AZI2: variants seen among roughly 807,000 people sequenced by gnomAD.
AZI2 encodes 5-azacytidine-induced protein 2.
AZI2 carries 22 observed loss-of-function variants against 45.8 expected under a neutral mutation model. The observed-to-expected ratio is 0.48, with a 90% confidence interval of 0.34 to 0.69. AZI2 has a LOEUF of 0.69. Among genes scored for constraint, AZI2 ranks in the 30% least tolerant of loss-of-function variants. The probability of loss-of-function intolerance (pLI) is 0.01; values close to 1 mark genes in which losing one functional copy is unlikely to be tolerated. For synonymous variants in AZI2, 137 were observed against 156.7 expected (o/e 0.87, Z 0.94); for missense variants, 417 against 441.5 (o/e 0.94, Z 0.50).
In AZI2 at chr3:28,323,112, AAATAG is replaced by A. The variant is rs991879672; in HGVS notation, c.*925_*929del. On this transcript the variant is annotated 3_prime_UTR_variant, in exon 8 of 8. Transcript: ENST00000479665. ...AATAATTTTAAATCACTTTCTCAAT[AAATAG>A]AATATTACATTTCAACACAAAGTCT... 6.6e-6 allele frequency: 1 copy of A among 151,190 alleles called. No individual in the cohort carries two copies. The highest frequency in any genetic ancestry group is 2.4e-5 in the African/African-American group (1 of 41,318). 9.4% of individuals were successfully genotyped at this position (151,190 alleles called of 1,614,324 possible). A position where few individuals can be genotyped will look rare whatever the true frequency, so the allele number is the denominator to read the frequency against.
chr3:28,338,182 T>C, intron 3 of AZI2, 146 bp from the exon 4 acceptor site: 5 of 515,620 alleles, frequency 9.7e-6, no homozygotes, highest in Non-Finnish European at 1.6e-5. Context: ...GAAATGTCTT[T>C]TTTTCTTTTC....
At chr3:28,331,875 C>A in intron 6 of AZI2, 1 of 1,547,482 alleles carries the variant, frequency 6.5e-7, no homozygotes, top group Non-Finnish European at 8.7e-7. Flanking sequence ...TATTCTTATG[C>A]GAAGAGGGAA....
intron 6 of AZI2, chr3:28,331,693 G>T: frequency 7.5e-7 from 1 of 1,326,188 alleles, no homozygotes; most frequent in South Asian, 2.1e-5. Context: ...AATGAAGTCA[G>T]ATCAGTATTT....
chr3:28,346,739 C>A (rs1173676750), intron 1 of AZI2, among the ~76,000 whole-genome samples: 1 of 152,124 alleles, frequency 6.6e-6, no homozygotes, highest in Non-Finnish European at 1.5e-5. Flanking sequence ...CGAAGACGAA[C>A]AGACCAATGC....
intron 5 of AZI2, among the ~76,000 whole-genome samples, chr3:28,335,730 A>C (rs1703763881): frequency 6.6e-6 from 1 of 152,036 alleles, no homozygotes; most frequent in South Asian, 2.1e-4. Flanking sequence ...AGAACACTTG[A>C]GATTCAGGGC....
At chr3:28,328,150 T>G (rs886594106) in intron 6 of AZI2, among the ~76,000 whole-genome samples, 1 of 151,008 alleles carries the variant, frequency 6.6e-6, no homozygotes, top group Non-Finnish European at 1.5e-5. Flanking sequence ...TGTTAAGTTG[T>G]AGTATATTAG....
In AZI2 at chr3:28,321,804, C is replaced by A. The variant is rs780305380; in HGVS notation, c.*2238G>T. 1 of 151,314 alleles carries A rather than the reference C, an allele frequency of 6.6e-6. No individual in the cohort carries two copies. The highest frequency in any genetic ancestry group is 1.5e-5 in the Non-Finnish European group (1 of 67,498). The allele number at this position is 151,314 out of a possible 1,614,324, so 9.4% of individuals were successfully genotyped here. A position where few individuals can be genotyped will look rare whatever the true frequency, so the allele number is the denominator to read the frequency against. ...TTTGGCAGCAACTCAGTAAGTCTTACAGATGTAAATTTTACTTTAGCTAAT... is the reference window on the plus strand; with the variant it reads ...TTTGGCAGCAACTCAGTAAGTCTTAAAGATGTAAATTTTACTTTAGCTAAT... On this transcript the variant is annotated 3_prime_UTR_variant, in exon 8 of 8. Coordinates refer to ENST00000479665, the MANE Select transcript of AZI2 (RefSeq NM_022461.5).
intron 6 of AZI2, among the ~76,000 whole-genome samples, chr3:28,329,189 T>C (rs1703490785): frequency 6.6e-6 from 1 of 151,186 alleles, no homozygotes; most frequent in African/African-American, 2.4e-5. Flanking sequence ...TGAGCACTTA[T>C]TATATACTAG....
At chr3:28,339,143 A>G (rs1156432846) in intron 2 of AZI2, among the ~76,000 whole-genome samples, 1 of 151,924 alleles carries the variant, frequency 6.6e-6, no homozygotes, top group Non-Finnish European at 1.5e-5. Flanking sequence ...ACGCCCTGCT[A>G]ATTTTTGTAT....
At chr3:28,336,954 G>A in intron 4 of AZI2, 69 bp from the exon 5 acceptor site, 2 of 1,475,266 alleles carry the variant, frequency 1.4e-6, no homozygotes, top group Admixed American at 1.9e-5. Flanking sequence ...TTAAAAATAG[G>A]TTATTCTGGT....
At chr3:28,334,599 G>C (rs916118785) in intron 5 of AZI2, among the ~76,000 whole-genome samples, 2 of 151,760 alleles carry the variant, frequency 1.3e-5, no homozygotes, top group African/African-American at 4.8e-5. Context: ...ACTGTTTAAA[G>C]TTTCCTGTCT....
chr3:28,336,930 A>G (rs780064804), intron 4 of AZI2, 45 bp from the exon 5 acceptor site: 1 of 1,576,212 alleles, frequency 6.3e-7, no homozygotes, highest in Non-Finnish European at 8.7e-7. Context: ...TTCCTTCTAC[A>G]TTGACTGCAA....
rs1401959303 is a variant in AZI2 at position 28,321,364 on chromosome 3, C to T, written c.*2678G>A. On this transcript the variant is annotated 3_prime_UTR_variant, in exon 8 of 8. Transcript: ENST00000479665. ...AGCTTTGATTAAAATCAGAAGTAGC[C>T]CACTTCATGTAGAAAATTCACTTAT... 2 of 151,356 alleles carry T rather than the reference C, an allele frequency of 1.3e-5. No individual in the cohort carries two copies. Among genetic ancestry groups the T allele is most frequent in the Non-Finnish European group, 3.0e-5 (2 of 67,548 alleles). 9.4% of individuals were successfully genotyped at this position (151,356 alleles called of 1,614,324 possible).
chr3:28,324,246 G>A lies in AZI2; in HGVS notation c.975C>T (p.Ser325=). 6.2e-7 allele frequency: 1 copy of A among 1,610,116 alleles called. No homozygotes were observed. Among genetic ancestry groups the A allele is most frequent in the Non-Finnish European group, 8.5e-7 (1 of 1,177,376 alleles). ...GAAAGCATGTACCATCATTAGGAAT[G>A]GATCTCTCATTGTCTGTCCATGATT... ...ILQSWTDNER[S]IPNDGTCFQE... is the part of the protein sequence containing the mutation. The change falls in exon 8 of 8, where the codon TCC becomes TCT. Residue 325 remains serine, a synonymous_variant. Transcript: ENST00000479665.
At position 28,322,609 on chromosome 3, in the gene AZI2, T is replaced by C. The variant is rs935579578; in HGVS notation, c.*1433A>G. 2 of 151,652 alleles carry C rather than the reference T, an allele frequency of 1.3e-5. No homozygotes were observed. Among genetic ancestry groups the C allele is most frequent in the Non-Finnish European group, 3.0e-5 (2 of 67,424 alleles). 9.4% of individuals were successfully genotyped at this position (151,652 alleles called of 1,614,324 possible). A position where few individuals can be genotyped will look rare whatever the true frequency, so the allele number is the denominator to read the frequency against. ...CTTCCTTCAGCTAAAGCCTGGAGTATTGTATTTCTTTTATGCATATTGGGT... is the reference window on the plus strand; with the variant it reads ...CTTCCTTCAGCTAAAGCCTGGAGTACTGTATTTCTTTTATGCATATTGGGT... On this transcript the variant is annotated 3_prime_UTR_variant, in exon 8 of 8. Coordinates refer to ENST00000479665, the MANE Select transcript of AZI2 (RefSeq NM_022461.5).
At position 28,340,607 on chromosome 3, in the gene AZI2, A is replaced by T; in HGVS notation, c.11T>A (p.Leu4Gln). 1.2e-6 allele frequency: 2 copies of T among 1,608,038 alleles called. No homozygotes were observed. Among genetic ancestry groups the T allele is most frequent in the South Asian group, 2.2e-5 (2 of 89,218 alleles). The change falls in exon 2 of 8, where the codon CTG becomes CAG. Residue 4 changes from leucine (L) to glutamine (Q), a missense_variant. By Grantham distance (113) the Leu-to-Gln change is moderately radical. Transcript: ENST00000479665. MDALVEDDICILNH... is the reference protein window; with the variant it reads MDAQVEDDICILNH... ...CAGAATACAGATATCATCTTCTACC[A>T]GTGCATCCATGACAACTGTTTAAAA... is the stretch of plus-strand genomic sequence containing the variant.
intron 1 of AZI2, among the ~76,000 whole-genome samples, chr3:28,344,894 C>G (rs1299320744): frequency 6.6e-6 from 1 of 152,084 alleles, no homozygotes; most frequent in Non-Finnish European, 1.5e-5. Context: ...ACTTTCAAAA[C>G]TTAACAAACA....
chr3:28,338,664 T>TA (rs1219945572), intron 2 of AZI2, 49 bp from the exon 3 acceptor site: 2 of 1,529,878 alleles, frequency 1.3e-6, no homozygotes, highest in East Asian at 2.3e-5. Context: ...ATTCTATAGA[T>TA]AAAAAATAAG....
rs1182867107 is a variant in AZI2 at position 28,326,948 on chromosome 3, T to G, written c.650A>C (p.Asp217Ala). The G allele has an allele frequency of 1.9e-6, 3 of 1,596,006 alleles. No homozygotes were observed. In the East Asian group the frequency reaches 6.7e-5, roughly 36 times the overall value. The change falls in exon 7 of 8, where the codon GAT (aspartate) becomes GCT (alanine). Residue 217 changes from aspartate to alanine, a missense_variant and splice_region_variant. Transcript: ENST00000479665. ...TTCCCAGTATGCATGCTGCATATTA[T>G]CACTGAAATAAATTTTTTTACAAAA... ...RDLQKLSISS[D>A]NMQHAYWELK...
Sources: allele counts gnomAD v4.1 joint callset (sites outside exome capture counted in the v4.1 genomes callset), GRCh38; gene constraint gnomAD v4.1.1; transcripts MANE v1.5; gene names NCBI Gene and HGNC (gene_info 2026-07-23, HGNC 2026-07-21).